The following UNC13C variants were observed in gnomAD, a reference collection of about 807,000 sequenced individuals.
UNC13C encodes the protein unc-13 homolog C, also known as protein unc-13 homolog C.
In UNC13C, 174 loss-of-function variants were observed where a neutral mutation model predicts 245.4. The observed-to-expected ratio is 0.71, with a 90% CI of 0.63 to 0.80. The LOEUF (loss-of-function observed/expected upper bound fraction) is 0.80. Ranked by LOEUF, UNC13C falls within the 30% of genes least tolerant of loss-of-function variation. The pLI, the probability that UNC13C is intolerant of heterozygous loss-of-function variation, is 0.00. For synonymous variants in UNC13C, 992 were observed against 895.1 expected (o/e 1.11, Z -1.93); for missense variants, 2,829 against 2,602.9 (o/e 1.09, Z -1.89).
intron 4 of UNC13C, among the ~76,000 whole-genome samples, chr15:54,216,205 A>G (rs556773768): frequency 1.8e-4 from 27 of 152,128 alleles, no homozygotes; most frequent in African/African-American, 5.8e-4. Flanking sequence ...GATTATGTCT[A>G]GCTTGCTGCC....
At chr15:54,004,318 A>G (rs1895041976) in intron 1 of UNC13C, among the ~76,000 whole-genome samples, 8 of 152,126 alleles carry the variant, frequency 5.3e-5, no homozygotes, top group Admixed American at 3.9e-4. Context: ...TTGCATCTAT[A>G]TTGTTGCAAA....
intron 13 of UNC13C, among the ~76,000 whole-genome samples, chr15:54,307,151 T>TA (rs1400534274): frequency 6.6e-6 from 1 of 151,798 alleles, no homozygotes; most frequent in African/African-American, 2.4e-5. Flanking sequence ...GAGGCTGCTA[T>TA]AAAAAATACC....
At chr15:54,060,103 C>T (rs1897741495) in intron 2 of UNC13C, among the ~76,000 whole-genome samples, 1 of 151,916 alleles carries the variant, frequency 6.6e-6, no homozygotes, top group East Asian at 1.9e-4. Context: ...CAACAAAAGC[C>T]AAAATTGACA....
intron 2 of UNC13C, among the ~76,000 whole-genome samples, chr15:54,136,974 G>A (rs894701220): frequency 2.0e-5 from 3 of 151,900 alleles, no homozygotes; most frequent in African/African-American, 4.8e-5. Context: ...GTAGCTGGGA[G>A]TAGAGGTGTA....
chr15:54,171,003 A>G (rs949084794), intron 4 of UNC13C, among the ~76,000 whole-genome samples: 26 of 152,328 alleles, frequency 1.7e-4, no homozygotes, highest in African/African-American at 5.8e-4. Flanking sequence ...AAGGATGGGC[A>G]TATACATTAT....
At chr15:54,050,333 C>A (rs532235777) in intron 2 of UNC13C, 1 of 574,834 alleles carries the variant, frequency 1.7e-6, no homozygotes, top group Non-Finnish European at 3.4e-6. Context: ...TGAATCAGGA[C>A]CCCACACTAC....
chr15:54,425,278 A>G (rs2040736986), intron 19 of UNC13C, among the ~76,000 whole-genome samples: 1 of 151,824 alleles, frequency 6.6e-6, no homozygotes, highest in African/African-American at 2.4e-5. Flanking sequence ...GCTCTGGCTT[A>G]TTGGAAAAAT....
At chr15:54,487,322 A>G (rs1306589242) in intron 19 of UNC13C, among the ~76,000 whole-genome samples, 1 of 152,166 alleles carries the variant, frequency 6.6e-6, no homozygotes, top group Non-Finnish European at 1.5e-5. Flanking sequence ...GTAAGGCACT[A>G]TTTCTTTAAT....
intron 2 of UNC13C, among the ~76,000 whole-genome samples, 178 bp from the exon 3 acceptor site, chr15:54,142,840 C>A (rs1215578940): frequency 6.6e-6 from 1 of 152,210 alleles, no homozygotes; most frequent in African/African-American, 2.4e-5. Context: ...CATTTCTCTG[C>A]ACTTTAAATT....
At chr15:54,336,797 C>T (rs189659602) in intron 16 of UNC13C, among the ~76,000 whole-genome samples, 1 of 152,162 alleles carries the variant, frequency 6.6e-6, no homozygotes, top group African/African-American at 2.4e-5. Context: ...ATGTATGGGT[C>T]TATTTCTGAA....
chr15:54,385,721 A>T (rs958686860), intron 17 of UNC13C, among the ~76,000 whole-genome samples: 1 of 151,998 alleles, frequency 6.6e-6, no homozygotes, highest in Admixed American at 6.6e-5. Context: ...AAATGATATC[A>T]ACAAATAAAA....
At chr15:53,936,346 C>G in the UNC13C span, among the ~76,000 whole-genome samples, 1 of 152,174 alleles carries the variant, frequency 6.6e-6, no homozygotes, top group Non-Finnish European at 1.5e-5. Context: ...CAACACCAGC[C>G]AGGGTTATAC....
At chr15:53,858,612 G>A in the UNC13C span, among the ~76,000 whole-genome samples, 2 of 151,706 alleles carry the variant, frequency 1.3e-5, no homozygotes, top group African/African-American at 4.8e-5. Context: ...ATAGAGACGG[G>A]GTTTCACCGT....
At chr15:54,100,961 T>A (rs1297991102) in intron 2 of UNC13C, among the ~76,000 whole-genome samples, 1 of 152,140 alleles carries the variant, frequency 6.6e-6, no homozygotes, top group Non-Finnish European at 1.5e-5. Flanking sequence ...GTAAAGTGCA[T>A]AAATCTGAAG....
chr15:53,865,028 A>C, the UNC13C span, among the ~76,000 whole-genome samples: 1 of 152,210 alleles, frequency 6.6e-6, no homozygotes, highest in Non-Finnish European at 1.5e-5. Context: ...GGTAAATTTT[A>C]GGCAGAGAGA....
At chr15:54,401,697 G>A (rs747200819) in intron 18 of UNC13C, among the ~76,000 whole-genome samples, 2 of 151,968 alleles carry the variant, frequency 1.3e-5, no homozygotes, top group South Asian at 2.1e-4. Context: ...GCAGAGTCAC[G>A]TACTGGAGGA....
intron 25 of UNC13C, among the ~76,000 whole-genome samples, chr15:54,526,101 A>C (rs1895444397): frequency 6.6e-6 from 1 of 152,218 alleles, no homozygotes; most frequent in African/African-American, 2.4e-5. Flanking sequence ...ACCCTATACC[A>C]AATTGTCAGG....
chr15:53,874,374 G>A, the UNC13C span, among the ~76,000 whole-genome samples: 1 of 152,088 alleles, frequency 6.6e-6, no homozygotes, highest in Admixed American at 6.6e-5. Flanking sequence ...AATAAGTTAT[G>A]CAACTTTTCC....
the UNC13C span, among the ~76,000 whole-genome samples, chr15:53,893,814 A>G: frequency 6.6e-6 from 1 of 152,232 alleles, no homozygotes; most frequent in Non-Finnish European, 1.5e-5. Flanking sequence ...CCACAGAGCC[A>G]GACCACTTGG....
Sources: allele counts gnomAD v4.1 joint callset (sites outside exome capture counted in the v4.1 genomes callset), GRCh38; gene constraint gnomAD v4.1.1; transcripts MANE v1.5; gene names NCBI Gene and HGNC (gene_info 2026-07-23, HGNC 2026-07-21).